COL14A1: variants seen among roughly 807,000 people sequenced by gnomAD.
COL14A1 encodes collagen alpha-1(XIV) chain.
A neutral mutation model predicts 230.3 loss-of-function variants in COL14A1; 136 were observed. The ratio of observed to expected loss-of-function variants is 0.59; its 90% CI spans 0.51 to 0.68. The LOEUF is 0.68. Among genes scored for constraint, COL14A1 ranks in the 30% least tolerant of loss-of-function variants. The probability of loss-of-function intolerance (pLI) is 0.00; values close to 1 mark genes in which losing one functional copy is unlikely to be tolerated. For missense variants in COL14A1, 1,976 were observed against 2,215.8 expected (o/e 0.89, Z 2.17); for synonymous variants, 792 against 784.1 (o/e 1.01, Z -0.17).
chr8:120,242,998 C>T (rs1372757313), intron 19 of COL14A1, among the ~76,000 whole-genome samples: 3 of 152,174 alleles, frequency 2.0e-5, no homozygotes, highest in Non-Finnish European at 1.5e-5. Context: ...CCCTTAAACC[C>T]GTTTGAGTCA....
At chr8:120,332,808 G>A in intron 42 of COL14A1, 73 bp downstream of exon 42, 9 of 1,224,274 alleles carry the variant, frequency 7.4e-6, no homozygotes, top group Non-Finnish European at 1.0e-5. Context: ...AAATTTACCA[G>A]CCTTTCTGTT....
At chr8:120,174,801 C>A (rs1343558005) in intron 5 of COL14A1, among the ~76,000 whole-genome samples, 2 of 152,098 alleles carry the variant, frequency 1.3e-5, no homozygotes, top group African/African-American at 4.8e-5. Flanking sequence ...AGAGAATTGT[C>A]TTAAGAAGTA....
chr8:120,155,663 A>G (rs1273009485), intron 2 of COL14A1, among the ~76,000 whole-genome samples: 5 of 152,188 alleles, frequency 3.3e-5, no homozygotes, highest in Non-Finnish European at 7.3e-5. Flanking sequence ...TCAGCAGCTC[A>G]TTCATGCAAA....
At chr8:120,326,977 G>A (rs899629064) in intron 40 of COL14A1, among the ~76,000 whole-genome samples, 4 of 152,212 alleles carry the variant, frequency 2.6e-5, no homozygotes, top group African/African-American at 4.8e-5. Context: ...CATGAGCCGA[G>A]ATTGTGCCAC....
At chr8:120,366,329 C>T (rs190378274) in intron 45 of COL14A1, among the ~76,000 whole-genome samples, 4 of 152,304 alleles carry the variant, frequency 2.6e-5, no homozygotes, top group Admixed American at 1.3e-4. Flanking sequence ...CATAATTTCT[C>T]AGTAGGTATA....
rs868589391 is a variant in COL14A1 at position 120,279,872 on chromosome 8, A to G, written c.3482-63A>G. ...TTTTAAACAGTTGGATGTGTCTTATATTACATTATTTGTGTTTTGTACAAT... is the reference window on the plus strand; with the variant it reads ...TTTTAAACAGTTGGATGTGTCTTATGTTACATTATTTGTGTTTTGTACAAT... On this transcript the variant is annotated intron_variant, in intron 28 of 47. Coordinates refer to ENST00000297848, the MANE Select transcript of COL14A1 (RefSeq NM_021110.4). 2.5e-5 allele frequency: 39 copies of G among 1,565,514 alleles called. No individual in the cohort carries two copies. The South Asian group carries it at 4.0e-4, about 16-fold the overall frequency.
intron 25 of COL14A1, chr8:120,267,108 T>A: frequency 2.5e-6 from 1 of 407,892 alleles, no homozygotes; most frequent in South Asian, 3.3e-5. Flanking sequence ...CTTAATACTA[T>A]TTTTTTTGAA....
intron 19 of COL14A1, among the ~76,000 whole-genome samples, chr8:120,237,398 A>G (rs574502955): frequency 2.6e-5 from 4 of 152,210 alleles, no homozygotes; most frequent in South Asian, 4.2e-4. Context: ...CACTTGATCA[A>G]TTTGGCTATT....
chr8:120,168,282 T>C, intron 5 of COL14A1, 35 bp downstream of exon 5: 1 of 1,493,662 alleles, frequency 6.7e-7, no homozygotes, highest in Non-Finnish European at 9.3e-7. Flanking sequence ...ATATTGGGAG[T>C]TGGGTTGTTT....
intron 40 of COL14A1, among the ~76,000 whole-genome samples, chr8:120,323,799 A>G (rs965867359): frequency 6.6e-6 from 1 of 152,110 alleles, no homozygotes; most frequent in Non-Finnish European, 1.5e-5. Context: ...TACAAGTACC[A>G]TGTTCTTTTG....
intron 36 of COL14A1, among the ~76,000 whole-genome samples, chr8:120,305,481 CAT>C (rs1563728428): frequency 2.6e-5 from 4 of 151,992 alleles, no homozygotes; most frequent in African/African-American, 9.7e-5. Flanking sequence ...TAATTTGTAA[CAT>C]ATATTTTCTT....
intron 26 of COL14A1, among the ~76,000 whole-genome samples, chr8:120,276,587 T>G (rs932282263): frequency 1.3e-5 from 2 of 151,798 alleles, no homozygotes; most frequent in African/African-American, 4.8e-5. Context: ...ACATGCAGTG[T>G]CTGGTTTTCT....
At chr8:120,362,016 A>T (rs1823238163) in intron 45 of COL14A1, among the ~76,000 whole-genome samples, 1 of 152,242 alleles carries the variant, frequency 6.6e-6, no homozygotes, top group African/African-American at 2.4e-5. Context: ...TGATAAACAC[A>T]GGGCTGACTG....
rs764244260 is a variant in COL14A1 at position 120,243,918 on chromosome 8, C to A, written c.2389C>A (p.Pro797Thr). 2.5e-6 allele frequency: 4 copies of A among 1,613,698 alleles called. No individual in the cohort carries two copies. The highest frequency in any genetic ancestry group is 3.4e-6 in the Non-Finnish European group (4 of 1,179,716). ...AAGCCAGAACAACCTCCTTCTGAAG[C>A]CTCTGCTTCCTGATACTGAATACAA... ...PGSQNNLLLK[P>T]LLPDTEYKVT... Residue 797 changes from proline (P) to threonine (T), a missense_variant, in exon 20 of 48, where the codon CCT becomes ACT. By Grantham distance (38) the Pro-to-Thr change is conservative (BLOSUM62 -1). Transcript: ENST00000297848.
chr8:120,187,972 C>T (rs1267158801), intron 5 of COL14A1, among the ~76,000 whole-genome samples: 1 of 152,148 alleles, frequency 6.6e-6, no homozygotes, highest in Non-Finnish European at 1.5e-5. Flanking sequence ...GGACAAATCA[C>T]ACAGCCCTTG....
chr8:120,290,582 C>T (rs1218497042), intron 34 of COL14A1, among the ~76,000 whole-genome samples: 1 of 152,200 alleles, frequency 6.6e-6, no homozygotes, highest in Non-Finnish European at 1.5e-5. Context: ...TTACTATTGT[C>T]TCCCACTTTC....
chr8:120,208,411 G>C (rs1397853858), intron 11 of COL14A1, 50 bp downstream of exon 11: 1 of 1,563,034 alleles, frequency 6.4e-7, no homozygotes, highest in South Asian at 1.2e-5. Flanking sequence ...TGCTGCTTAG[G>C]AGGCCTTTCT....
chr8:120,289,559 G>A, intron 33 of COL14A1, 49 bp from the exon 34 acceptor site: 1 of 1,528,072 alleles, frequency 6.5e-7, no homozygotes, highest in Non-Finnish European at 9.0e-7. Flanking sequence ...AAATTTGGTT[G>A]ATATTTCCTT....
At chr8:120,136,296 G>A (rs943755207) in intron 1 of COL14A1, among the ~76,000 whole-genome samples, 6 of 151,934 alleles carry the variant, frequency 3.9e-5, no homozygotes, top group African/African-American at 1.4e-4. Flanking sequence ...TTAGTTTGCT[G>A]AGTTTCTTTA....
Sources: allele counts gnomAD v4.1 joint callset (sites outside exome capture counted in the v4.1 genomes callset), GRCh38; gene constraint gnomAD v4.1.1; transcripts MANE v1.5; gene names NCBI Gene and HGNC (gene_info 2026-07-23, HGNC 2026-07-21).